Variants in EPS15 observed in about 807,000 individuals in gnomAD.
EPS15 encodes the protein epidermal growth factor receptor pathway substrate 15, also known as epidermal growth factor receptor substrate 15.
In EPS15, 72 loss-of-function variants were observed where a neutral mutation model predicts 113.8. The ratio of observed to expected loss-of-function variants is 0.63; its 90% CI spans 0.52 to 0.77. EPS15 has a LOEUF of 0.77. Ranked by LOEUF, EPS15 falls within the 30% of genes least tolerant of loss-of-function variation. The probability of loss-of-function intolerance (pLI) is 0.00; values close to 1 mark genes in which losing one functional copy is unlikely to be tolerated. For missense variants in EPS15, 1,048 were observed against 1,045.8 expected, an observed-to-expected ratio of 1.00 and a Z score of -0.03; for synonymous variants, 344 against 363.4, an observed-to-expected ratio of 0.95 and a Z score of 0.61.
intron 1 of EPS15, among the ~76,000 whole-genome samples, chr1:51,512,338 CAG>C (rs1386559219): frequency 1.3e-5 from 2 of 152,188 alleles, no homozygotes; most frequent in East Asian, 3.8e-4. Context: ...CAGAACTACT[CAG>C]GGGCAGAACA....
chr1:51,501,361 T>A (rs1401443002), intron 1 of EPS15, among the ~76,000 whole-genome samples: 1 of 152,038 alleles, frequency 6.6e-6, no homozygotes, highest in Non-Finnish European at 1.5e-5. Flanking sequence ...TGAGCCGAGA[T>A]GGCACCATTG....
intron 5 of EPS15, among the ~76,000 whole-genome samples, chr1:51,466,130 T>A (rs996778137): frequency 6.7e-6 from 1 of 148,958 alleles, no homozygotes; most frequent in Non-Finnish European, 1.5e-5. Flanking sequence ...CAATGTAACA[T>A]CAGCATATGG....
In EPS15 at chr1:51,399,066, G is replaced by T; in HGVS notation, c.2018C>A (p.Pro673His). 6.2e-7 allele frequency: 1 copy of T among 1,613,846 alleles called. No individual in the cohort carries two copies. The highest frequency in any genetic ancestry group is 8.5e-7 in the Non-Finnish European group (1 of 1,179,784). ...TDPFATSSTD[P>H]FSAANNSSIT... The stretch of plus-strand genomic sequence containing the variant: ...ACTGCTATTGTTGGCTGCACTGAAA[G>T]GGTCAGTGCTTGAAGTGGCAAAAGG... The change falls in exon 20 of 25, where the codon CCT becomes CAT. Residue 673 changes from proline to histidine, a missense_variant. Coordinates refer to ENST00000371733, the MANE Select transcript of EPS15 (RefSeq NM_001981.3).
At chr1:51,378,530 T>A (rs71651191) in intron 21 of EPS15, among the ~76,000 whole-genome samples, 8,789 of 152,154 alleles carry the variant, frequency 0.058, 343 homozygotes, top group Non-Finnish European at 0.086. Flanking sequence ...TTTTGGTTTC[T>A]CCATCTAAAA....
intron 11 of EPS15, among the ~76,000 whole-genome samples, chr1:51,442,563 TC>T (rs1436727739): frequency 6.6e-6 from 1 of 152,092 alleles, no homozygotes; most frequent in Admixed American, 6.6e-5. Flanking sequence ...ATGTAGCATG[TC>T]CCCTTCTTTC....
intron 21 of EPS15, chr1:51,373,320 A>C (rs1268481646): frequency 1.3e-5 from 2 of 152,844 alleles, no homozygotes; most frequent in Middle Eastern, 3.4e-3. Context: ...TCCTGATTAG[A>C]GCTCTATGCC....
At chr1:51,366,492 C>T (rs961782693) in intron 21 of EPS15, among the ~76,000 whole-genome samples, 2 of 151,976 alleles carry the variant, frequency 1.3e-5, no homozygotes, top group African/African-American at 4.8e-5. Context: ...TACTGATAAC[C>T]CCACAAGATG....
At chr1:51,392,198 A>G (rs1647446367) in intron 21 of EPS15, among the ~76,000 whole-genome samples, 1 of 152,246 alleles carries the variant, frequency 6.6e-6, no homozygotes, top group Non-Finnish European at 1.5e-5. Context: ...AATTGGATAC[A>G]TCTAATACTA....
intron 8 of EPS15, chr1:51,458,571 T>C (rs1322471627): frequency 2.3e-6 from 1 of 443,040 alleles, no homozygotes; most frequent in Non-Finnish European, 4.5e-6. Flanking sequence ...ACGCTGTCTC[T>C]ACTAAAAATA....
intron 23 of EPS15, among the ~76,000 whole-genome samples, chr1:51,363,143 C>A (rs1205821546): frequency 4.6e-5 from 7 of 151,698 alleles, no homozygotes; most frequent in African/African-American, 7.3e-5. Context: ...GCTAAAAATA[C>A]AAAAATTAGC....
chr1:51,456,783 AT>A (rs966668946), intron 8 of EPS15, among the ~76,000 whole-genome samples: 5 of 152,232 alleles, frequency 3.3e-5, no homozygotes, highest in African/African-American at 1.2e-4. Context: ...AGTAATTATA[AT>A]TTTTAAAAAG....
intron 1 of EPS15, among the ~76,000 whole-genome samples, chr1:51,497,441 C>T (rs1644342915): frequency 6.6e-6 from 1 of 152,126 alleles, no homozygotes. Flanking sequence ...AAAGAAAAAG[C>T]TCAATATGAC....
intron 19 of EPS15, among the ~76,000 whole-genome samples, chr1:51,400,033 C>T (rs1159224961): frequency 3.3e-5 from 5 of 152,134 alleles, no homozygotes; most frequent in Non-Finnish European, 7.4e-5. Flanking sequence ...TCCCCTTATT[C>T]TACGCTACCG....
intron 21 of EPS15, among the ~76,000 whole-genome samples, chr1:51,380,492 T>C (rs1005572142): frequency 6.6e-6 from 1 of 152,074 alleles, no homozygotes; most frequent in African/African-American, 2.4e-5. Context: ...CAGTTTAAAA[T>C]AGACTGTTAT....
intron 12 of EPS15, 144 bp from the exon 13 acceptor site, chr1:51,422,002 C>T (rs1240808407): frequency 1.5e-6 from 2 of 1,322,682 alleles, no homozygotes; most frequent in Admixed American, 6.5e-5. Context: ...TTTCTACCCT[C>T]TTTCAATTAT....
At chr1:51,425,835 C>T (rs1248486260) in intron 12 of EPS15, among the ~76,000 whole-genome samples, 2 of 152,000 alleles carry the variant, frequency 1.3e-5, no homozygotes, top group East Asian at 3.8e-4. Flanking sequence ...AATATTGAGC[C>T]TAAATATTAA....
intron 21 of EPS15, among the ~76,000 whole-genome samples, chr1:51,389,628 A>C (rs1647201708): frequency 6.6e-6 from 1 of 152,288 alleles, no homozygotes; most frequent in South Asian, 2.1e-4. Flanking sequence ...AAGTCTCAGG[A>C]TACAAAATCA....
chr1:51,386,843 T>A (rs1311123668), intron 21 of EPS15, among the ~76,000 whole-genome samples: 2 of 152,122 alleles, frequency 1.3e-5, no homozygotes, highest in Admixed American at 1.3e-4. Flanking sequence ...CTACATCTGA[T>A]TGGTGTACCT....
chr1:51,515,383 G>A (rs1469935126), intron 1 of EPS15, among the ~76,000 whole-genome samples: 1 of 151,988 alleles, frequency 6.6e-6, no homozygotes, highest in African/African-American at 2.4e-5. Context: ...TGAAATGGGA[G>A]GATCCCTTGA....
Sources: gnomAD v4.1 joint callset for allele counts (sites outside exome capture counted in the v4.1 genomes callset) on GRCh38, gnomAD v4.1.1 for gene constraint, MANE v1.5 for transcripts, NCBI Gene and HGNC (gene_info 2026-07-23, HGNC 2026-07-21) for gene names.